Variants in RNASEK observed in about 807,000 individuals in gnomAD.
The protein encoded by RNASEK is ribonuclease K.
In RNASEK, 7 loss-of-function variants were observed where a neutral mutation model predicts 11.2. That is an observed-to-expected ratio of 0.62 (90% CI 0.35 to 1.17). RNASEK has a LOEUF of 1.17. Among genes scored for constraint, RNASEK ranks in the 50% most tolerant of loss-of-function variants. RNASEK has a pLI of 0.02. For synonymous variants in RNASEK, 46 were observed against 49.5 expected (o/e 0.93, Z 0.30); for missense variants, 101 against 126.7 (o/e 0.80, Z 0.97).
In RNASEK at chr17:7,013,505, G is replaced by A. The variant is rs748209991; in HGVS notation, c.79-161G>A. ...ACTTGTCTCAATGTCACCACCTCAC[G>A]CCCTGTTCCAGGTGGCTGAGTCCGA... On this transcript the variant is annotated intron_variant, in intron 1 of 2. Coordinates refer to ENST00000593646, the MANE Select transcript of RNASEK (RefSeq NM_001004333.5). 8.2e-6 allele frequency: 13 copies of A among 1,577,876 alleles called. No homozygotes were observed. The Middle Eastern group carries it at 1.2e-3, about 141-fold the overall frequency.
In RNASEK at chr17:7,012,636, C is replaced by T. The variant is rs1244791426; in HGVS notation, c.-48C>T. 3.7e-6 allele frequency: 6 copies of T among 1,606,372 alleles called. No individual in the cohort carries two copies. The highest frequency in any genetic ancestry group is 5.1e-6 in the Non-Finnish European group (6 of 1,178,750). Reference sequence around the variant, plus strand: ...GAGGGCATCCTGGGCTTTCTCCCACCGCTTTCCGAGCCCGCTTGCACCTCG... The same window carrying T: ...GAGGGCATCCTGGGCTTTCTCCCACTGCTTTCCGAGCCCGCTTGCACCTCG... On this transcript the variant is annotated 5_prime_UTR_variant, in exon 1 of 3. Coordinates refer to ENST00000593646, the MANE Select transcript of RNASEK (RefSeq NM_001004333.5).
rs1214819080 is a variant in RNASEK, at chr17:7,014,369, T to C, written c.*83T>C. 5 of 1,475,466 alleles carry C rather than the reference T, an allele frequency of 3.4e-6. No homozygotes were observed. The highest frequency in any genetic ancestry group is 3.7e-6 in the Non-Finnish European group (4 of 1,072,698). The allele number at this position is 1,475,466 out of a possible 1,614,324, so 91.4% of individuals were successfully genotyped here. On this transcript the variant is annotated 3_prime_UTR_variant, in exon 3 of 3. Transcript: ENST00000593646. This position sits in a 1 kb window ranked among gnomAD's most constrained non-coding sequence, Gnocchi z 4.5. ...TGTCACCCAGGTCGCGTCCCACCCTTGCCGGCGCCCTCTGCGGGACTGGGT... is the reference window on the plus strand; with the variant it reads ...TGTCACCCAGGTCGCGTCCCACCCTCGCCGGCGCCCTCTGCGGGACTGGGT...
chr17:7,013,364 C>G, intron 1 of RNASEK: 3 of 1,530,712 alleles, frequency 2.0e-6, no homozygotes, highest in Non-Finnish European at 2.6e-6. Context: ...TGAAGAAGTG[C>G]CGGTTCTCCC....
intron 1 of RNASEK, chr17:7,012,977 T>A: frequency 1.5e-5 from 8 of 545,596 alleles, no homozygotes; most frequent in Non-Finnish European, 2.3e-5. Context: ...ATACAAAAAT[T>A]AGCCGGGCGT....
Position 7,014,314 on chromosome 17 carries a change from C to T in RNASEK, c.*28C>T, listed in dbSNP as rs755999102. ...CCCCGGCGCGTTTCCCCGCTCCAGC[C>T]CCTCCTCTATTTAAAGACTCCCTGC... is the stretch of plus-strand genomic sequence containing the variant. On this transcript the variant is annotated 3_prime_UTR_variant, in exon 3 of 3. Transcript: ENST00000593646. This position sits in a 1 kb window ranked among gnomAD's most constrained non-coding sequence, Gnocchi z 4.5. 20 of 1,612,300 alleles carry T rather than the reference C, an allele frequency of 1.2e-5. No homozygotes were observed. Among genetic ancestry groups the T allele is most frequent in the Non-Finnish European group, 1.7e-5 (20 of 1,179,362 alleles).
chr17:7,013,150 G>C, intron 1 of RNASEK: 1 of 513,542 alleles, frequency 1.9e-6, no homozygotes, highest in Non-Finnish European at 3.4e-6. Context: ...AAGGGAACTG[G>C]AGCGGAGGGC....
intron 2 of RNASEK, 118 bp downstream of exon 2, chr17:7,013,860 G>T: frequency 1.1e-6 from 1 of 879,704 alleles, no homozygotes; most frequent in Non-Finnish European, 1.9e-6. Context: ...GACTTGGAGA[G>T]GAGAGCGGCT....
chr17:7,012,923 G>A, intron 1 of RNASEK, 162 bp downstream of exon 1: 1 of 643,664 alleles, frequency 1.6e-6, no homozygotes, highest in Non-Finnish European at 2.7e-6. Context: ...GGAACTGTTC[G>A]AGACCAGCCT....
chr17:7,014,137 ACC>A lies in RNASEK; in HGVS notation c.156-4_156-3del. ...AGTTTGACCCCTTTGCTTCATTCCC[ACC>A]CCCAGGAATGGCCCCCAGAACATAT... On this transcript the variant is annotated splice_polypyrimidine_tract_variant and splice_region_variant and intron_variant, in intron 2 of 2. Transcript: ENST00000593646. The surrounding 1 kb of genome is among the most constrained non-coding windows in gnomAD (Gnocchi z 4.5). 1 of 1,552,396 alleles carries A rather than the reference ACC, an allele frequency of 6.4e-7. No homozygotes were observed. Among genetic ancestry groups the A allele is most frequent in the South Asian group, 1.2e-5 (1 of 84,236 alleles).
In RNASEK at chr17:7,014,067, C is replaced by T; in HGVS notation, c.156-78C>T. 7.5e-7 allele frequency: 1 copy of T among 1,327,914 alleles called. No homozygotes were observed. Among genetic ancestry groups the T allele is most frequent in the South Asian group, 1.3e-5 (1 of 79,034 alleles). 82.3% of individuals were successfully genotyped at this position (1,327,914 alleles called of 1,614,324 possible). On this transcript the variant is annotated intron_variant, in intron 2 of 2. Transcript: ENST00000593646. The surrounding 1 kb of genome is among the most constrained non-coding windows in gnomAD (Gnocchi z 4.5). ...AGTAATACACGTAACAGCGCCTAAACAGGTGTCGGGCACATAGTGCTCAGA... is the reference window on the plus strand; with the variant it reads ...AGTAATACACGTAACAGCGCCTAAATAGGTGTCGGGCACATAGTGCTCAGA...
chr17:7,013,528 C>G, intron 1 of RNASEK, 138 bp from the exon 2 acceptor site: 3 of 1,600,220 alleles, frequency 1.9e-6, no homozygotes, highest in Non-Finnish European at 2.6e-6. Flanking sequence ...TGGCTGAGTC[C>G]GAATCCAGTA....
At chr17:7,013,544 C>T (rs1909582924) in intron 1 of RNASEK, 122 bp from the exon 2 acceptor site, 1 of 1,606,596 alleles carries the variant, frequency 6.2e-7, no homozygotes, top group Non-Finnish European at 8.5e-7. Flanking sequence ...CAGTAACCAC[C>T]ACCTCGTTTT....
At chr17:7,013,881 T>G (rs1909616196) in intron 2 of RNASEK, 139 bp downstream of exon 2, 2 of 801,376 alleles carry the variant, frequency 2.5e-6, no homozygotes, top group Non-Finnish European at 2.1e-6. Context: ...TTCTTGAGAA[T>G]GTGGTTAGGA....
intron 1 of RNASEK, 158 bp downstream of exon 1, chr17:7,012,919 G>A: frequency 1.5e-6 from 1 of 651,658 alleles, no homozygotes; most frequent in Non-Finnish European, 2.6e-6. Flanking sequence ...AATGGGAACT[G>A]TTCGAGACCA....
At chr17:7,013,240 T>C in intron 1 of RNASEK, 1 of 1,111,260 alleles carries the variant, frequency 9.0e-7, no homozygotes, top group South Asian at 1.6e-5. Flanking sequence ...GCCTGAGAGG[T>C]GCTTGAGTTG....
intron 2 of RNASEK, 34 bp downstream of exon 2, chr17:7,013,776 C>A (rs1909605964): frequency 7.0e-7 from 1 of 1,435,482 alleles, no homozygotes; most frequent in Non-Finnish European, 9.8e-7. Flanking sequence ...GGGCTGGGAG[C>A]AGGTGGGAGG....
In RNASEK at chr17:7,014,277, G is replaced by A; in HGVS notation, c.288G>A (p.Met96Ile). 6.2e-7 allele frequency: 1 copy of A among 1,613,800 alleles called. No individual in the cohort carries two copies. Among genetic ancestry groups the A allele is most frequent in the Non-Finnish European group, 8.5e-7 (1 of 1,179,826 alleles). ...QVRLNKRKEYMVR is the reference protein window; with the variant it reads ...QVRLNKRKEYIVR ...GGCTCAATAAGCGCAAGGAATACAT[G>A]GTGCGCTAGGGCCCCGGCGCGTTTC... Residue 96 changes from methionine to isoleucine, a missense_variant, in exon 3 of 3, where the codon ATG (methionine) becomes ATA (isoleucine). Met to Ile is a conservative substitution (Grantham distance 10). Transcript: ENST00000593646. This position sits in a 1 kb window ranked among gnomAD's most constrained non-coding sequence, Gnocchi z 4.5.
At chr17:7,013,284 T>C in intron 1 of RNASEK, 3 of 1,439,744 alleles carry the variant, frequency 2.1e-6, no homozygotes, top group Non-Finnish European at 2.8e-6. Context: ...AGAGTGCTTG[T>C]TCCAGAAATG....
In RNASEK at chr17:7,012,632, C is replaced by A; in HGVS notation, c.-52C>A. 1.9e-6 allele frequency: 3 copies of A among 1,604,792 alleles called. No individual in the cohort carries two copies. Among genetic ancestry groups the A allele is most frequent in the Non-Finnish European group, 2.5e-6 (3 of 1,178,246 alleles). On this transcript the variant is annotated 5_prime_UTR_variant, in exon 1 of 3. Transcript: ENST00000593646. ...CTGCGAGGGCATCCTGGGCTTTCTC[C>A]CACCGCTTTCCGAGCCCGCTTGCAC...
Sources: gnomAD v4.1 joint callset for allele counts on GRCh38, gnomAD v4.1.1 for gene constraint, Gnocchi (gnomAD v3.1) non-coding constraint, MANE v1.5 for transcripts, NCBI Gene and HGNC (gene_info 2026-07-23, HGNC 2026-07-21) for gene names.